LRP1B: variants seen among roughly 807,000 people sequenced by gnomAD.
LRP1B encodes the protein LDL receptor related protein 1B.
LRP1B carries 217 observed loss-of-function variants against 556.6 expected under a neutral mutation model. That is an observed-to-expected ratio of 0.39 (90% CI 0.35 to 0.44). The LOEUF (loss-of-function observed/expected upper bound fraction) is 0.44, where lower values mean the gene tolerates loss of function less well. LRP1B is among the 20% of genes least tolerant of loss of function. The pLI is 1.00. For missense variants in LRP1B, 5,053 were observed against 5,620.8 expected (o/e 0.90, Z 3.23); for synonymous variants, 2,047 against 1,865.8 (o/e 1.10, Z -2.50).
intron 7 of LRP1B, among the ~76,000 whole-genome samples, chr2:141,163,408 G>A (rs1680116561): frequency 6.6e-6 from 1 of 152,010 alleles, no homozygotes; most frequent in Non-Finnish European, 1.5e-5. Flanking sequence ...TGATTCTACT[G>A]ACTGATGATC....
At chr2:140,291,879 C>T (rs553080702) in intron 84 of LRP1B, among the ~76,000 whole-genome samples, 1 of 152,234 alleles carries the variant, frequency 6.6e-6, no homozygotes, top group African/African-American at 2.4e-5. Flanking sequence ...ACTGAGGAAT[C>T]ACCACACTGT....
At chr2:141,887,732 T>A (rs1699169893) in intron 1 of LRP1B, among the ~76,000 whole-genome samples, 1 of 152,190 alleles carries the variant, frequency 6.6e-6, no homozygotes, top group Non-Finnish European at 1.5e-5. Flanking sequence ...TCACTAAGAA[T>A]TCTTGTCCAC....
At position 140,750,079 on chromosome 2, in the gene LRP1B, TACACACACACACACAC is replaced by T. The variant is rs59747381; in HGVS notation, c.5758+19118_5758+19133del. ...CATGACTGTATATACTGTGCACACG[TACACACACACACACAC>T]ACACACACACACACACACATTTCAG... On this transcript the variant is annotated intron_variant, in intron 35 of 90. Coordinates refer to ENST00000389484, the MANE Select transcript of LRP1B (RefSeq NM_018557.3). Among the ~76,000 whole-genome samples the T allele has an allele frequency of 4.7e-4, 71 of 150,716 alleles. 1 individual carries two copies. Among genetic ancestry groups the T allele is most frequent in the East Asian group, 9.8e-4 (5 of 5,090 alleles).
chr2:141,600,680 A>G (rs1265583526), intron 2 of LRP1B, among the ~76,000 whole-genome samples: 1 of 152,156 alleles, frequency 6.6e-6, no homozygotes, highest in African/African-American at 2.4e-5. Flanking sequence ...GTCTCTGCCC[A>G]TAAAATAAGA....
chr2:141,099,390 T>C (rs1163905478), intron 7 of LRP1B, among the ~76,000 whole-genome samples: 1 of 152,224 alleles, frequency 6.6e-6, no homozygotes, highest in African/African-American at 2.4e-5. Flanking sequence ...AATTTAATTG[T>C]GGATATGACA....
At chr2:141,507,461 C>T (rs1403316624) in intron 2 of LRP1B, among the ~76,000 whole-genome samples, 2 of 152,070 alleles carry the variant, frequency 1.3e-5, no homozygotes, top group Non-Finnish European at 2.9e-5. Flanking sequence ...TTATTCATAT[C>T]TGTGTGAGGA....
intron 7 of LRP1B, among the ~76,000 whole-genome samples, chr2:141,181,853 C>T (rs989016043): frequency 6.8e-6 from 1 of 147,772 alleles, no homozygotes; most frequent in Non-Finnish European, 1.5e-5. Flanking sequence ...GAAGTTGAAC[C>T]TTAACAAAAA....
intron 25 of LRP1B, among the ~76,000 whole-genome samples, chr2:140,878,452 A>G (rs939971511): frequency 6.6e-5 from 10 of 152,130 alleles, no homozygotes; most frequent in Non-Finnish European, 1.0e-4. Context: ...AATGGAACAA[A>G]GGTTAATATA....
chr2:141,621,672 A>G (rs1688508621), intron 2 of LRP1B, among the ~76,000 whole-genome samples: 1 of 152,182 alleles, frequency 6.6e-6, no homozygotes, highest in Admixed American at 6.5e-5. Context: ...TCAGAAATTT[A>G]TGCAGGAGGG....
chr2:141,593,229 A>C (rs1687401621), intron 2 of LRP1B, among the ~76,000 whole-genome samples: 1 of 152,188 alleles, frequency 6.6e-6, no homozygotes, highest in Non-Finnish European at 1.5e-5. Context: ...AAAGCATAGA[A>C]AAAACCTGGA....
At chr2:141,110,147 T>A (rs969311022) in intron 7 of LRP1B, among the ~76,000 whole-genome samples, 9 of 152,028 alleles carry the variant, frequency 5.9e-5, no homozygotes, top group Non-Finnish European at 1.3e-4. Context: ...TACAAAAACC[T>A]CTCAGGCCTT....
chr2:141,001,737 G>A (rs189263312), intron 15 of LRP1B, among the ~76,000 whole-genome samples: 1 of 152,242 alleles, frequency 6.6e-6, no homozygotes, highest in East Asian at 1.9e-4. Flanking sequence ...GCAAAGGCAT[G>A]ATGAGACCAG....
intron 6 of LRP1B, among the ~76,000 whole-genome samples, chr2:141,211,059 C>T (rs1682519449): frequency 2.0e-5 from 3 of 152,072 alleles, no homozygotes; most frequent in South Asian, 4.1e-4. Flanking sequence ...ATGATCTCAG[C>T]TCACTGCAAC....
chr2:140,910,341 C>T (rs1694384017), intron 21 of LRP1B, among the ~76,000 whole-genome samples: 1 of 151,680 alleles, frequency 6.6e-6, no homozygotes, highest in South Asian at 2.1e-4. Context: ...CCTCATTTGC[C>T]AATCTGGAGG....
chr2:141,023,388 G>T (rs1050822182), intron 11 of LRP1B, among the ~76,000 whole-genome samples: 5 of 151,810 alleles, frequency 3.3e-5, no homozygotes, highest in African/African-American at 9.7e-5. Context: ...CTAAGGAAAT[G>T]AGGATAAATA....
chr2:140,314,729 C>T (rs1684446444), intron 83 of LRP1B, among the ~76,000 whole-genome samples: 1 of 151,976 alleles, frequency 6.6e-6, no homozygotes, highest in South Asian at 2.1e-4. Flanking sequence ...ACATACTCAA[C>T]CCAGAGTAAT....
At chr2:140,514,507 T>G (rs914282688) in intron 51 of LRP1B, 146 bp downstream of exon 51, 1 of 587,824 alleles carries the variant, frequency 1.7e-6, no homozygotes, top group African/African-American at 1.9e-5. Context: ...TGGATTGTCA[T>G]GAAAATAATA....
intron 1 of LRP1B, among the ~76,000 whole-genome samples, chr2:142,024,821 T>C (rs1052486474): frequency 3.3e-5 from 5 of 152,080 alleles, no homozygotes; most frequent in African/African-American, 1.2e-4. Context: ...CCTCCATAAA[T>C]ATATATCTGG....
chr2:141,006,318 G>T (rs1455758680), intron 14 of LRP1B, among the ~76,000 whole-genome samples: 1 of 151,902 alleles, frequency 6.6e-6, no homozygotes, highest in African/African-American at 2.4e-5. Context: ...CCAGATATTT[G>T]AAACTATATA....
Sources: gnomAD v4.1 joint callset for allele counts (sites outside exome capture counted in the v4.1 genomes callset) on GRCh38, gnomAD v4.1.1 for gene constraint, MANE v1.5 for transcripts, NCBI Gene and HGNC (gene_info 2026-07-23, HGNC 2026-07-21) for gene names.